The following COL14A1 variants were observed in gnomAD, a reference collection of about 807,000 sequenced individuals.
COL14A1 encodes the protein collagen alpha-1(XIV) chain.
COL14A1 carries 136 observed loss-of-function variants against 230.3 expected under a neutral mutation model. That is an observed-to-expected ratio of 0.59 (90% confidence interval 0.51 to 0.68). The LOEUF is 0.68. Among genes scored for constraint, COL14A1 ranks in the 30% least tolerant of loss-of-function variants. The pLI is 0.00. For missense variants in COL14A1, 1,976 were observed against 2,215.8 expected (o/e 0.89, Z 2.17); for synonymous variants, 792 against 784.1 (o/e 1.01, Z -0.17).
rs184717830 is a variant in COL14A1, at chr8:120,304,281, C to A, written c.4401+3463C>A. On this transcript the variant is annotated intron_variant, in intron 36 of 47. Transcript: ENST00000297848. ...GATCTTGGTTATTTCTTGTCTTCTGCTAGTTTTGGGGTTGGTTTGCTCTTG... is the reference window on the plus strand; with the variant it reads ...GATCTTGGTTATTTCTTGTCTTCTGATAGTTTTGGGGTTGGTTTGCTCTTG... Among the ~76,000 whole-genome samples the A allele has an allele frequency of 8.4e-3, 1,283 of 152,112 alleles. 12 individuals carry two copies. The highest frequency in any genetic ancestry group is 0.025 in the South Asian group (121 of 4,820).
At chr8:120,143,371 C>A (rs1426885888) in intron 1 of COL14A1, among the ~76,000 whole-genome samples, 1 of 152,188 alleles carries the variant, frequency 6.6e-6, no homozygotes, top group Admixed American at 6.5e-5. Flanking sequence ...GTAAACCCAG[C>A]ACTTTGGGAG....
At chr8:120,222,117 G>T (rs770964127) in intron 14 of COL14A1, among the ~76,000 whole-genome samples, 1 of 152,000 alleles carries the variant, frequency 6.6e-6, no homozygotes, top group Non-Finnish European at 1.5e-5. Flanking sequence ...TTTCCCCTTG[G>T]GCAAGTTCCT....
intron 1 of COL14A1, among the ~76,000 whole-genome samples, chr8:120,139,123 C>T (rs1238050842): frequency 6.6e-6 from 1 of 152,178 alleles, no homozygotes; most frequent in Non-Finnish European, 1.5e-5. Flanking sequence ...GGGAGCATCC[C>T]AACTGATTAG....
At chr8:120,321,746 G>A (rs1821452157) in intron 40 of COL14A1, among the ~76,000 whole-genome samples, 1 of 152,122 alleles carries the variant, frequency 6.6e-6, no homozygotes, top group Admixed American at 6.6e-5. Context: ...CTGTCCTTCA[G>A]CGTCGGCACT....
intron 45 of COL14A1, among the ~76,000 whole-genome samples, chr8:120,357,078 G>T (rs2130349354): frequency 6.6e-6 from 1 of 152,308 alleles, no homozygotes; most frequent in African/African-American, 2.4e-5. Flanking sequence ...CTATTGCTGT[G>T]TAACAAATTA....
intron 23 of COL14A1, among the ~76,000 whole-genome samples, chr8:120,256,084 C>G (rs1433935879): frequency 3.9e-5 from 6 of 152,048 alleles, no homozygotes; most frequent in Non-Finnish European, 8.8e-5. Context: ...ATTACTTAAT[C>G]AGATTTATAG....
chr8:120,338,247 T>C (rs1039103994), intron 42 of COL14A1, among the ~76,000 whole-genome samples: 2 of 152,252 alleles, frequency 1.3e-5, no homozygotes, highest in African/African-American at 4.8e-5. Flanking sequence ...AGTTAGTCCT[T>C]AGGCATGGTA....
At chr8:120,185,367 G>A (rs1400766989) in intron 5 of COL14A1, among the ~76,000 whole-genome samples, 1 of 152,124 alleles carries the variant, frequency 6.6e-6, no homozygotes, top group African/African-American at 2.4e-5. Flanking sequence ...GACCTGTTGT[G>A]GCTGGGTGCA....
chr8:120,148,485 T>G (rs1240399145), intron 2 of COL14A1, among the ~76,000 whole-genome samples: 1 of 152,162 alleles, frequency 6.6e-6, no homozygotes, highest in African/African-American at 2.4e-5. Context: ...GAAAGTCAAA[T>G]TTTTATGTTA....
At chr8:120,228,631 GT>G (rs1340391867) in intron 17 of COL14A1, 78 bp from the exon 18 acceptor site, 1 of 1,090,090 alleles carries the variant, frequency 9.2e-7, no homozygotes. Flanking sequence ...TAGGTGAAAT[GT>G]TCTTTGAAAG....
rs773079575 is a variant in COL14A1 at position 120,371,191 on chromosome 8, A to G, written c.5351A>G (p.Asp1784Gly). Residue 1784 changes from aspartate (D) to glycine (G), a missense_variant, in exon 48 of 48, where the codon GAT becomes GGT. Around this residue, in one of 3 missense-constraint regions of COL14A1, gnomAD observed 1,791 missense variants for 2,019.5 expected, o/e 0.89. Transcript: ENST00000297848. The stretch of plus-strand genomic sequence containing the variant: ...CAGCCAGAGTTCACCCCTGTCCAAG[A>G]TGAGCTGGAAGCCATGGAACTGTGG... ...PDQPEFTPVQ[D>G]ELEAMELWGP... 1 of 1,611,702 alleles carries G rather than the reference A, an allele frequency of 6.2e-7. No individual in the cohort carries two copies. Among genetic ancestry groups the G allele is most frequent in the Non-Finnish European group, 8.5e-7 (1 of 1,178,934 alleles).
chr8:120,168,349 G>T, intron 5 of COL14A1, 102 bp downstream of exon 5: 2 of 773,042 alleles, frequency 2.6e-6, no homozygotes, highest in East Asian at 5.1e-5. Flanking sequence ...AGAAGGGCAG[G>T]TCTAATACGA....
At chr8:120,243,854 T>G in intron 19 of COL14A1, 25 bp from the exon 20 acceptor site, 1 of 1,610,706 alleles carries the variant, frequency 6.2e-7, no homozygotes, top group Non-Finnish European at 8.5e-7. Flanking sequence ...TCACTAAGAC[T>G]GCAGTCCTTT....
At position 120,373,210 on chromosome 8, in the gene COL14A1, C is replaced by T. The variant is rs1168922930; in HGVS notation, c.*1979C>T. Among the ~76,000 whole-genome samples the T allele has an allele frequency of 2.6e-5, 4 of 152,122 alleles. No homozygotes were observed. Among genetic ancestry groups the T allele is most frequent in the African/African-American group, 4.8e-5 (2 of 41,432 alleles). ...ACTCTCAAAGTTTGTGTATAAATGG[C>T]GAAGTATACACTATGAGAGATTCTA... On this transcript the variant is annotated 3_prime_UTR_variant, in exon 48 of 48. Transcript: ENST00000297848.
chr8:120,128,227 G>A (rs1391158829), intron 1 of COL14A1, among the ~76,000 whole-genome samples: 2 of 98,206 alleles, frequency 2.0e-5, no homozygotes, highest in South Asian at 3.6e-4. Flanking sequence ...GTGTGCGCGC[G>A]CGTGTGTGTG....
intron 1 of COL14A1, among the ~76,000 whole-genome samples, chr8:120,137,138 CTT>C (rs1436392613): frequency 6.6e-6 from 1 of 152,012 alleles, no homozygotes; most frequent in Non-Finnish European, 1.5e-5. Flanking sequence ...AATTTAATCT[CTT>C]TAATAGATAT....
At chr8:120,313,608 A>G (rs1188814167) in intron 37 of COL14A1, among the ~76,000 whole-genome samples, 1 of 149,644 alleles carries the variant, frequency 6.7e-6, no homozygotes, top group Non-Finnish European at 1.5e-5. Context: ...GTCTTGAAGC[A>G]CTTATACTTA....
chr8:120,280,028 T>C lies in COL14A1; in HGVS notation c.3575T>C (p.Val1192Ala). The change falls in exon 29 of 48, where the codon GTG (valine) becomes GCG (alanine). Residue 1192 changes from valine (V) to alanine (A), a missense_variant. Physicochemically the swap from Val to Ala is moderately conservative, Grantham distance 64 (BLOSUM62 0). Transcript: ENST00000297848. ...SKPSARHVFFVDDFDAFKKIE... is the reference protein window; with the variant it reads ...SKPSARHVFFADDFDAFKKIE... ...CCCAGCGCACGCCATGTCTTCTTTG[T>C]GGATGACTTTGACGCCTTTAAGAAA... 3.7e-6 allele frequency: 6 copies of C among 1,613,920 alleles called. No homozygotes were observed. Among genetic ancestry groups the C allele is most frequent in the Non-Finnish European group, 5.1e-6 (6 of 1,179,864 alleles).
intron 13 of COL14A1, among the ~76,000 whole-genome samples, chr8:120,214,645 T>C (rs1234983883): frequency 6.6e-6 from 1 of 152,200 alleles, no homozygotes; most frequent in Non-Finnish European, 1.5e-5. Context: ...TACCCATTGA[T>C]TCAATGAATG....
Sources: gnomAD v4.1 joint callset for allele counts (sites outside exome capture counted in the v4.1 genomes callset) on GRCh38, gnomAD v4.1.1 for gene constraint, gnomAD v4.1.1 regional missense constraint, MANE v1.5 for transcripts, NCBI Gene and HGNC (gene_info 2026-07-23, HGNC 2026-07-21) for gene names.